Variants in FHIT observed in about 807,000 individuals in gnomAD.
FHIT encodes fragile histidine triad diadenosine triphosphatase.
FHIT carries 19 observed loss-of-function variants against 17.9 expected under a neutral mutation model. The observed-to-expected ratio is 1.06, with a 90% CI of 0.74 to 1.56. FHIT has a LOEUF of 1.56. FHIT is among the 40% of genes most tolerant of loss of function. The probability of loss-of-function intolerance (pLI) is 0.00; values close to 1 mark genes in which losing one functional copy is unlikely to be tolerated. For missense variants in FHIT, 248 were observed against 189.2 expected (o/e 1.31, Z -1.82); for synonymous variants, 81 against 69.7 (o/e 1.16, Z -0.81).
intron 4 of FHIT, among the ~76,000 whole-genome samples, chr3:60,688,184 A>G (rs1282093313): frequency 1.3e-5 from 2 of 152,154 alleles, no homozygotes; most frequent in African/African-American, 4.8e-5. Flanking sequence ...ATGCTTTCAC[A>G]TTTATATTTC....
intron 4 of FHIT, among the ~76,000 whole-genome samples, chr3:60,637,701 A>G (rs1172904008): frequency 6.6e-6 from 1 of 152,230 alleles, no homozygotes; most frequent in African/African-American, 2.4e-5. Context: ...CCTAAAACAT[A>G]TATACAGTAT....
intron 5 of FHIT, among the ~76,000 whole-genome samples, chr3:60,104,424 T>C (rs542635828): frequency 1.3e-5 from 2 of 151,466 alleles, no homozygotes; most frequent in South Asian, 4.2e-4. Context: ...ATATTCAGAA[T>C]AGCAAAAAGC....
At chr3:60,511,513 G>C (rs1034945421) in intron 5 of FHIT, among the ~76,000 whole-genome samples, 1 of 152,000 alleles carries the variant, frequency 6.6e-6, no homozygotes, top group Non-Finnish European at 1.5e-5. Context: ...TATTTTGAGG[G>C]TACTATAGGG....
rs536839963 is a variant in FHIT, at chr3:61,116,616, A to C, written c.-163-74517T>G. 2.6e-5 allele frequency among the ~76,000 whole-genome samples: 4 copies of C among 152,294 alleles called. No homozygotes were observed. The South Asian group carries it at 8.3e-4, about 32-fold the overall frequency. On this transcript the variant is annotated intron_variant, in intron 2 of 9. Transcript: ENST00000492590. ...TTTTAAATTCATTCTCTCACACTAG[A>C]GGTAGTTACTATGGTACATAGTATG...
At chr3:59,961,412 T>C (rs575717002) in intron 7 of FHIT, among the ~76,000 whole-genome samples, 4 of 152,340 alleles carry the variant, frequency 2.6e-5, no homozygotes, top group East Asian at 1.9e-4. Context: ...GCTGTACTTA[T>C]AGCTCTTTAT....
intron 4 of FHIT, among the ~76,000 whole-genome samples, chr3:60,760,807 G>C (rs1553719635): frequency 6.6e-6 from 1 of 152,172 alleles, no homozygotes; most frequent in Non-Finnish European, 1.5e-5. Context: ...ATTCTATTCT[G>C]GGTAGGGAGA....
rs1702329772 is a variant in FHIT, at chr3:60,418,371, TG to T, written c.103+118488del. 3.9e-3 allele frequency among the ~76,000 whole-genome samples: 11 copies of T among 2,798 alleles called. No individual in the cohort carries two copies. The South Asian group carries it at 0.38, about 95-fold the overall frequency. 1.8% of individuals were successfully genotyped at this position (2,798 alleles called of 152,430 possible). A position where few individuals can be genotyped will look rare whatever the true frequency, so the allele number is the denominator to read the frequency against. ...ACAAACCTATATATATGTATCTGAA[TG>T]TGTGTATATATATATATATATATAT... On this transcript the variant is annotated intron_variant, in intron 5 of 9. Transcript: ENST00000492590.
chr3:60,129,554 TAAC>T (rs1559659379), intron 5 of FHIT, among the ~76,000 whole-genome samples: 5 of 152,320 alleles, frequency 3.3e-5, no homozygotes, highest in African/African-American at 7.2e-5. Flanking sequence ...TCGAGGCTCT[TAAC>T]AAAGCTGTAT....
chr3:60,662,963 G>A (rs2040293810), intron 4 of FHIT, among the ~76,000 whole-genome samples: 1 of 151,198 alleles, frequency 6.6e-6, no homozygotes, highest in South Asian at 2.1e-4. Context: ...GATGTCTAAT[G>A]CTCTAGCATC....
At chr3:59,916,529 T>C (rs993074908) in intron 8 of FHIT, among the ~76,000 whole-genome samples, 1 of 152,204 alleles carries the variant, frequency 6.6e-6, no homozygotes, top group Non-Finnish European at 1.5e-5. Context: ...CTAATACATA[T>C]ATTATCTGAA....
intron 4 of FHIT, among the ~76,000 whole-genome samples, chr3:60,567,774 G>C (rs74434165): frequency 0.26 from 35,438 of 136,414 alleles, 3,865 homozygotes; most frequent in Admixed American, 0.29. Context: ...AAAACAAACA[G>C]TCCCAGCAAA....
chr3:60,615,571 G>T (rs1576976511), intron 4 of FHIT, among the ~76,000 whole-genome samples: 1 of 152,160 alleles, frequency 6.6e-6, no homozygotes, highest in Non-Finnish European at 1.5e-5. Flanking sequence ...CACCTATGCG[G>T]TAACTTACAT....
intron 3 of FHIT, among the ~76,000 whole-genome samples, chr3:60,934,302 A>G (rs1164000120): frequency 6.6e-6 from 1 of 152,232 alleles, no homozygotes; most frequent in Non-Finnish European, 1.5e-5. Context: ...AAGAAAAGAA[A>G]AAATAACTGG....
At chr3:61,086,143 G>A (rs912287119) in intron 2 of FHIT, among the ~76,000 whole-genome samples, 1 of 152,046 alleles carries the variant, frequency 6.6e-6, no homozygotes, top group African/African-American at 2.4e-5. Flanking sequence ...ATGCTGAACA[G>A]CAGTGGTGAG....
rs1042663775 is a variant in FHIT, at chr3:60,534,306, G to T, written c.103+2554C>A. Among the ~76,000 whole-genome samples the T allele has an allele frequency of 4.7e-5, 7 of 149,748 alleles. No homozygotes were observed. The South Asian group carries it at 1.5e-3, about 32-fold the overall frequency. On this transcript the variant is annotated intron_variant, in intron 5 of 9. Coordinates refer to ENST00000492590, the MANE Select transcript of FHIT (RefSeq NM_002012.4). Reference sequence around the variant, plus strand: ...AAATTAGCCGGGCGCGGTGGCGGGCGCCTGTAGTCCCAGCTACTCGGGAGG... The same window carrying T: ...AAATTAGCCGGGCGCGGTGGCGGGCTCCTGTAGTCCCAGCTACTCGGGAGG...
intron 4 of FHIT, among the ~76,000 whole-genome samples, chr3:60,710,973 A>T (rs1209824272): frequency 4.6e-5 from 7 of 152,208 alleles, no homozygotes; most frequent in African/African-American, 7.2e-5. Context: ...CTGCCTCCTC[A>T]AGTGGGTCCC....
At chr3:60,774,031 G>A (rs1348413280) in intron 4 of FHIT, among the ~76,000 whole-genome samples, 1 of 152,198 alleles carries the variant, frequency 6.6e-6, no homozygotes, top group Non-Finnish European at 1.5e-5. Context: ...TTTGATGGAT[G>A]AGCTTAAGGA....
At chr3:59,811,257 A>G (rs1482446720) in intron 8 of FHIT, among the ~76,000 whole-genome samples, 1 of 152,208 alleles carries the variant, frequency 6.6e-6, no homozygotes. Flanking sequence ...GGGTGCCAAG[A>G]TATAACTAAC....
chr3:59,961,666 G>C (rs926163254), intron 7 of FHIT, among the ~76,000 whole-genome samples: 5 of 152,106 alleles, frequency 3.3e-5, no homozygotes, highest in African/African-American at 1.2e-4. Context: ...GCTAGGGGAG[G>C]GAGTTCCCTG....
Sources: allele counts gnomAD v4.1 joint callset (sites outside exome capture counted in the v4.1 genomes callset), GRCh38; gene constraint gnomAD v4.1.1; transcripts MANE v1.5; gene names NCBI Gene and HGNC (gene_info 2026-07-23, HGNC 2026-07-21).